The following CACNA1A variants were observed in gnomAD, a reference collection of about 807,000 sequenced individuals.
CACNA1A encodes the protein calcium voltage-gated channel subunit alpha1 A, also known as voltage-dependent P/Q-type calcium channel subunit alpha-1A.
CACNA1A carries 57 observed loss-of-function variants against 262.4 expected under a neutral mutation model. That is an observed-to-expected ratio of 0.22 (90% CI 0.18 to 0.27). CACNA1A has a LOEUF of 0.27. Among genes scored for constraint, CACNA1A ranks in the 10% least tolerant of loss-of-function variants. CACNA1A has a pLI of 1.00. For missense variants in CACNA1A, 2,526 were observed against 3,562.8 expected (o/e 0.71, Z 7.41); for synonymous variants, 1,431 against 1,419.3 (o/e 1.01, Z -0.18).
intron 6 of CACNA1A, among the ~76,000 whole-genome samples, chr19:13,350,993 C>T (rs1376843170): frequency 6.6e-6 from 1 of 152,090 alleles, no homozygotes; most frequent in African/African-American, 2.4e-5. Context: ...AGAGCAAAAC[C>T]CCAAAAAACT....
chr19:13,506,378 G>C lies in CACNA1A; in HGVS notation c.-154C>G. On this transcript the variant is annotated 5_prime_UTR_variant, in exon 1 of 47. Transcript: ENST00000360228. ...GAGACGCTCCACGGCCCAGCCCATC[G>C]GGCGGCGGCGGCTCGGCGCCTCGGG... 3.4e-6 allele frequency: 2 copies of C among 585,952 alleles called. No homozygotes were observed. The highest frequency in any genetic ancestry group is 2.5e-6 in the Non-Finnish European group (1 of 396,374). 36.3% of individuals were successfully genotyped at this position (585,952 alleles called of 1,614,324 possible). A position where few individuals can be genotyped will look rare whatever the true frequency, so the allele number is the denominator to read the frequency against.
rs2055603312 is a variant in CACNA1A at position 13,229,970 on chromosome 19, T to G, written c.5528+112A>C. ...CTCCTGACTGAACCTGTGAGACCCC[T>G]GCTAGGACCCCAGGAGTTCAGTGCT... On this transcript the variant is annotated intron_variant, in intron 36 of 46. Coordinates refer to ENST00000360228, the MANE Select transcript of CACNA1A (RefSeq NM_001127222.2). 2.4e-6 allele frequency: 3 copies of G among 1,251,202 alleles called. No individual in the cohort carries two copies. The South Asian group carries it at 4.6e-5, about 19-fold the overall frequency. The allele number at this position is 1,251,202 out of a possible 1,614,324, so 77.5% of individuals were successfully genotyped here.
At chr19:13,379,607 C>T (rs2059480227) in intron 3 of CACNA1A, among the ~76,000 whole-genome samples, 1 of 152,094 alleles carries the variant, frequency 6.6e-6, no homozygotes, top group Admixed American at 6.6e-5. Context: ...TCTTTACCAC[C>T]TGGAAGGCAA....
At chr19:13,288,791 A>C (rs1191732102) in intron 19 of CACNA1A, among the ~76,000 whole-genome samples, 1 of 152,126 alleles carries the variant, frequency 6.6e-6, no homozygotes, top group Non-Finnish European at 1.5e-5. Context: ...ATAAATAAAT[A>C]AATAAGTAAT....
chr19:13,223,588 G>C (rs1053007771), intron 38 of CACNA1A, among the ~76,000 whole-genome samples: 7 of 152,138 alleles, frequency 4.6e-5, no homozygotes, highest in Middle Eastern at 3.2e-3. Context: ...GTGGCCGGAG[G>C]GAACCTGTTC....
chr19:13,439,771 T>C (rs1417854220), intron 3 of CACNA1A, among the ~76,000 whole-genome samples: 1 of 151,778 alleles, frequency 6.6e-6, no homozygotes. Context: ...ATAAAAGGGA[T>C]TTTTAGGAAA....
chr19:13,471,874 G>A (rs1049996268), intron 1 of CACNA1A, among the ~76,000 whole-genome samples: 3 of 152,156 alleles, frequency 2.0e-5, no homozygotes, highest in African/African-American at 7.2e-5. Context: ...AGAAAGAGGT[G>A]GAGGTTGTAC....
chr19:13,248,820 G>GCAA (rs2056321390), intron 30 of CACNA1A, among the ~76,000 whole-genome samples: 1 of 149,066 alleles, frequency 6.7e-6, no homozygotes, highest in Non-Finnish European at 1.5e-5. Context: ...TCCAGCCTGG[G>GCAA]CAACAGAGTG....
chr19:13,363,640 T>C (rs1349669568), intron 5 of CACNA1A: 1 of 151,116 alleles, frequency 6.6e-6, no homozygotes, highest in African/African-American at 2.4e-5. Flanking sequence ...CACTTGGGGG[T>C]CACTGGGTGG....
At chr19:13,298,149 G>C (rs1047089428) in intron 19 of CACNA1A, among the ~76,000 whole-genome samples, 1 of 37,276 alleles carries the variant, frequency 2.7e-5, no homozygotes, top group Non-Finnish European at 5.3e-5. Flanking sequence ...TTTTTTTTTT[G>C]AGACAGAGTC....
intron 3 of CACNA1A, among the ~76,000 whole-genome samples, chr19:13,444,275 T>C (rs1212153731): frequency 6.6e-6 from 1 of 152,134 alleles, no homozygotes; most frequent in Non-Finnish European, 1.5e-5. Flanking sequence ...CAGAGAGACA[T>C]TAAAATAAAA....
chr19:13,376,770 ATAACACATAATATATGTGACATATAT>A (rs1455340643), intron 3 of CACNA1A, among the ~76,000 whole-genome samples: 2 of 138,590 alleles, frequency 1.4e-5, no homozygotes, highest in African/African-American at 5.6e-5. Flanking sequence ...TGTGACATAT[ATAACACATAATATATGTGACATATAT>A]ACACATAATA....
intron 38 of CACNA1A, among the ~76,000 whole-genome samples, chr19:13,224,241 T>C (rs1285307576): frequency 6.6e-6 from 1 of 151,762 alleles, no homozygotes; most frequent in African/African-American, 2.4e-5. Flanking sequence ...GGAGAATCGC[T>C]TGAACCCGGG....
rs1456658566 is a variant in CACNA1A, at chr19:13,311,355, A to T, written c.1668+1314T>A. ...ATTCTGCTGCCTCAGCCTCCTGAAT[A>T]GCTGAGGCTATAGGCATGAGGCATC... On this transcript the variant is annotated intron_variant, in intron 12 of 46. Coordinates refer to ENST00000360228, the MANE Select transcript of CACNA1A (RefSeq NM_001127222.2). Among the ~76,000 whole-genome samples the T allele has an allele frequency of 2.6e-5, 4 of 152,220 alleles. No individual in the cohort carries two copies. In the East Asian group the frequency reaches 7.7e-4, roughly 29 times the overall value.
chr19:13,283,135 C>T, intron 22 of CACNA1A, 132 bp downstream of exon 22: 3 of 1,072,126 alleles, frequency 2.8e-6, no homozygotes, highest in Non-Finnish European at 3.9e-6. Flanking sequence ...CCCCTCTCAA[C>T]CAGCAGCCAT....
intron 10 of CACNA1A, among the ~76,000 whole-genome samples, chr19:13,322,836 C>T (rs545395365): frequency 5.9e-5 from 9 of 152,222 alleles, no homozygotes; most frequent in East Asian, 1.9e-4. Flanking sequence ...AGACAGCAGT[C>T]ATTGGATTTA....
chr19:13,253,412 T>C (rs951282110), intron 29 of CACNA1A, among the ~76,000 whole-genome samples: 55 of 149,618 alleles, frequency 3.7e-4, no homozygotes, highest in African/African-American at 1.1e-3. Flanking sequence ...GTCGGGACTA[T>C]AGGCATACGC....
At chr19:13,505,275 C>G (rs1982884484) in intron 1 of CACNA1A, among the ~76,000 whole-genome samples, 1 of 152,206 alleles carries the variant, frequency 6.6e-6, no homozygotes, top group Non-Finnish European at 1.5e-5. Context: ...AAGCGCCCCC[C>G]AGCCCATCAC....
At chr19:13,487,517 CTCAG>C (rs1406400260) in intron 1 of CACNA1A, among the ~76,000 whole-genome samples, 1 of 152,058 alleles carries the variant, frequency 6.6e-6, no homozygotes, top group African/African-American at 2.4e-5. Flanking sequence ...GGAGTGAGCG[CTCAG>C]TGAGTACGGG....
Sources: allele counts gnomAD v4.1 joint callset (sites outside exome capture counted in the v4.1 genomes callset), GRCh38; gene constraint gnomAD v4.1.1; transcripts MANE v1.5; gene names NCBI Gene and HGNC (gene_info 2026-07-23, HGNC 2026-07-21).